The following OR14I1 variants were observed in gnomAD, a reference collection of about 807,000 sequenced individuals.
OR14I1 encodes the protein olfactory receptor 14I1.
For synonymous variants in OR14I1, 118 were observed against 71.1 expected (o/e 1.66, Z -3.32); for missense variants, 279 against 181.8 (o/e 1.53, Z -3.07).
At chr1:248,692,396 A>G in the OR14I1 span, among the ~76,000 whole-genome samples, 4 of 151,934 alleles carry the variant, frequency 2.6e-5, no homozygotes, top group Non-Finnish European at 5.9e-5. Flanking sequence ...GCATCCCCCA[A>G]CGTTGCCACT....
the OR14I1 span, among the ~76,000 whole-genome samples, chr1:248,694,148 C>A: frequency 6.6e-6 from 1 of 152,126 alleles, no homozygotes; most frequent in Admixed American, 6.5e-5. Flanking sequence ...ACCAGGTGAC[C>A]ACTTGTTTCC....
chr1:248,696,198 T>C, the OR14I1 span, among the ~76,000 whole-genome samples: 3 of 152,280 alleles, frequency 2.0e-5, no homozygotes, highest in South Asian at 6.2e-4. Context: ...ACTCATCCCA[T>C]AGGGGCTAAC....
chr1:248,681,515 C>A (rs1377111143), exon 1 of OR14I1: 1 of 780,912 alleles, frequency 1.3e-6, no homozygotes. Flanking sequence ...ATGGACAGAG[C>A]TTTTGCAATT....
chr1:248,681,508 G>C (rs755831894), exon 1 of OR14I1: 2 of 781,040 alleles, frequency 2.6e-6, no homozygotes, highest in South Asian at 2.7e-5. Context: ...ATCCTGAATG[G>C]ACAGAGCTTT....
At chr1:248,694,894 G>A in the OR14I1 span, among the ~76,000 whole-genome samples, 1 of 152,220 alleles carries the variant, frequency 6.6e-6, no homozygotes, top group African/African-American at 2.4e-5. Context: ...TGATCAAAAT[G>A]TCTATGCCTG....
chr1:248,681,320 CT>C (rs773141850), downstream of OR14I1: 297 of 613,182 alleles, frequency 4.8e-4, no homozygotes, highest in Non-Finnish European at 4.9e-4. Flanking sequence ...AGTATTTATG[CT>C]TTTTTGGGGT....
At chr1:248,691,212 G>A in the OR14I1 span, among the ~76,000 whole-genome samples, 3,056 of 152,314 alleles carry the variant, frequency 0.02, 102 homozygotes, top group African/African-American at 0.07. Flanking sequence ...ATAGGTAGAA[G>A]GGACCCTTCA....
At chr1:248,688,958 T>C in the OR14I1 span, among the ~76,000 whole-genome samples, 4 of 152,126 alleles carry the variant, frequency 2.6e-5, no homozygotes, top group Admixed American at 2.0e-4. Flanking sequence ...GCCCAGGGAG[T>C]GTAGCCCTTG....
chr1:248,681,817 C>T (rs143350792), exon 1 of OR14I1: 8 of 780,888 alleles, frequency 1.0e-5, no homozygotes, highest in African/African-American at 3.4e-5. Flanking sequence ...AACGTGCTCC[C>T]GAAACATGTT....
At chr1:248,695,658 C>G in the OR14I1 span, among the ~76,000 whole-genome samples, 1 of 152,114 alleles carries the variant, frequency 6.6e-6, no homozygotes, top group East Asian at 1.9e-4. Flanking sequence ...GTGGGCGTCT[C>G]TAGTCTCTGC....
At chr1:248,682,964 T>C (rs1572129418), upstream of OR14I1, among the ~76,000 whole-genome samples, 1 of 152,354 alleles carries the variant, frequency 6.6e-6, no homozygotes, top group African/African-American at 2.4e-5. Flanking sequence ...ACAATGCCAT[T>C]ACCCATGTGT....
At chr1:248,685,570 G>T (rs536449588), upstream of OR14I1, among the ~76,000 whole-genome samples, 1 of 151,934 alleles carries the variant, frequency 6.6e-6, no homozygotes, top group African/African-American at 2.4e-5. Context: ...GTATTATCTA[G>T]AGAATGAGAA....
At chr1:248,683,828 G>A (rs942860671), upstream of OR14I1, among the ~76,000 whole-genome samples, 19 of 152,236 alleles carry the variant, frequency 1.2e-4, no homozygotes, top group African/African-American at 4.1e-4. Flanking sequence ...GAGGTGAGGA[G>A]TTCGAGACCA....
At chr1:248,695,075 G>A in the OR14I1 span, among the ~76,000 whole-genome samples, 294 of 152,242 alleles carry the variant, frequency 1.9e-3, 1 homozygote, top group African/African-American at 6.7e-3. Context: ...AGTTTGGAAA[G>A]AGACAAAAGG....
At chr1:248,695,647 T>G in the OR14I1 span, among the ~76,000 whole-genome samples, 1 of 152,080 alleles carries the variant, frequency 6.6e-6, no homozygotes, top group East Asian at 1.9e-4. Context: ...TGGAGAGGCA[T>G]GTGGGCGTCT....
At chr1:248,693,419 G>GCC in the OR14I1 span, among the ~76,000 whole-genome samples, 4 of 152,062 alleles carry the variant, frequency 2.6e-5, no homozygotes, top group Non-Finnish European at 4.4e-5. Context: ...CTTTCCCCCT[G>GCC]CCCCATACTG....
chr1:248,689,667 A>C, the OR14I1 span, among the ~76,000 whole-genome samples: 3 of 152,172 alleles, frequency 2.0e-5, no homozygotes, highest in African/African-American at 7.2e-5. Context: ...AAACTTTACC[A>C]ATGAGACAGA....
At chr1:248,694,018 C>G in the OR14I1 span, among the ~76,000 whole-genome samples, 2 of 152,050 alleles carry the variant, frequency 1.3e-5, no homozygotes, top group South Asian at 4.1e-4. Context: ...TAATTTTCTT[C>G]AAGTTCACAT....
At chr1:248,701,020 C>T in the OR14I1 span, among the ~76,000 whole-genome samples, 1 of 152,158 alleles carries the variant, frequency 6.6e-6, no homozygotes, top group Non-Finnish European at 1.5e-5. Flanking sequence ...CTCGTTGATG[C>T]TACATTTCAC....
Sources: gnomAD v4.1 joint callset for allele counts (sites outside exome capture counted in the v4.1 genomes callset) on GRCh38, gnomAD v4.1.1 for gene constraint, MANE v1.5 for transcripts, NCBI Gene and HGNC (gene_info 2026-07-23, HGNC 2026-07-21) for gene names.